SFTPD: variants seen among roughly 807,000 people sequenced by gnomAD.
SFTPD encodes surfactant protein D.
A neutral mutation model predicts 34.6 loss-of-function variants in SFTPD; 18 were observed. The observed-to-expected ratio is 0.52, with a 90% CI of 0.36 to 0.77. SFTPD has a LOEUF of 0.77. Among genes scored for constraint, SFTPD ranks in the 30% least tolerant of loss-of-function variants. The pLI, the probability that SFTPD is intolerant of heterozygous loss-of-function variation, is 0.00. For missense variants in SFTPD, 433 were observed against 468.9 expected, an observed-to-expected ratio of 0.92 and a Z score of 0.71; for synonymous variants, 155 against 180.9, an observed-to-expected ratio of 0.86 and a Z score of 1.15.
chr10:79,958,470 CA>C (rs553011115), intron 1 of SFTPD, among the ~76,000 whole-genome samples: 1 of 151,650 alleles, frequency 6.6e-6, no homozygotes, highest in Non-Finnish European at 1.5e-5. Flanking sequence ...AAATGGAAAA[CA>C]AAAAAAGGCA....
Position 79,940,727 on chromosome 10 carries a change from A to T in SFTPD, c.729T>A (p.Ala243=). 6.2e-7 allele frequency: 1 copy of T among 1,608,882 alleles called. No individual in the cohort carries two copies. The highest frequency in any genetic ancestry group is 1.3e-5 in the African/African-American group (1 of 74,976). ...CACCTTTCTTATACTGAGAGAAAGC[A>T]GCCTGGAGGTGCTGTACTTGTCCCT... ...ALQGQVQHLQ[A]AFSQYKKVEL... is the part of the protein sequence containing the mutation. The change falls in exon 7 of 8, where the codon GCT becomes GCA. Residue 243 remains alanine (A), a synonymous_variant. Coordinates refer to ENST00000372292, the MANE Select transcript of SFTPD (RefSeq NM_003019.5).
rs1426678561 is a variant in SFTPD at position 79,938,088 on chromosome 10, C to T, written c.892G>A (p.Ala298Thr). 1.9e-6 allele frequency: 3 copies of T among 1,614,194 alleles called. No individual in the cohort carries two copies. In the Admixed American group the frequency reaches 5.0e-5, roughly 27 times the overall value. Residue 298 changes from alanine to threonine, a missense_variant, in exon 8 of 8, where the codon GCC becomes ACC. Physicochemically the swap from Ala to Thr is moderately conservative, Grantham distance 58. Coordinates refer to ENST00000372292, the MANE Select transcript of SFTPD (RefSeq NM_003019.5). ...GCTACGACCAGCTGTTGCAAGGCGG[C>T]ATTCTCAGCGGCAGAGCGTGGAGAG... is the stretch of plus-strand genomic sequence containing the variant. ...LASPRSAAEN[A>T]ALQQLVVAKN...
intron 1 of SFTPD, among the ~76,000 whole-genome samples, chr10:79,973,930 T>C (rs531753217): frequency 6.6e-6 from 1 of 152,268 alleles, no homozygotes; most frequent in South Asian, 2.1e-4. Flanking sequence ...TCTAAACTCA[T>C]TTTTTACTGG....
At chr10:79,957,085 A>T (rs1443450206) in intron 1 of SFTPD, among the ~76,000 whole-genome samples, 2 of 151,956 alleles carry the variant, frequency 1.3e-5, no homozygotes, top group Admixed American at 1.3e-4. Context: ...CCTGCAGCTG[A>T]GGGTCCTATC....
intron 1 of SFTPD, among the ~76,000 whole-genome samples, chr10:79,963,267 A>G (rs2758588): frequency 0.67 from 101,245 of 151,590 alleles, 34,890 homozygotes; most frequent in African/African-American, 0.85. Flanking sequence ...TGGAGGATCA[A>G]TTGAACCCAG....
intron 3 of SFTPD, 37 bp downstream of exon 3, chr10:79,942,726 A>G (rs1358557583): frequency 4.4e-6 from 6 of 1,352,736 alleles, no homozygotes; most frequent in South Asian, 2.3e-5. Context: ...CTGCACCACC[A>G]CCTGGAAACA....
In SFTPD at chr10:79,955,155, G is replaced by A. The variant is rs547464631; in HGVS notation, c.37-8493C>T. 6.6e-5 allele frequency among the ~76,000 whole-genome samples: 10 copies of A among 152,160 alleles called. 1 individual carries two copies. The highest frequency in any genetic ancestry group is 4.2e-4 in the South Asian group (2 of 4,818). On this transcript the variant is annotated intron_variant, in intron 1 of 5. Coordinates refer to the SFTPD transcript ENST00000444384. ...CATTCCTTTGACTCCACCAGACTTCGTAGCCCCCACAGCCTGGTGTTGGGT... is the reference window on the plus strand; with the variant it reads ...CATTCCTTTGACTCCACCAGACTTCATAGCCCCCACAGCCTGGTGTTGGGT...
intron 1 of SFTPD, chr10:79,972,710 C>T (rs1400314480): frequency 6.6e-6 from 1 of 152,196 alleles, no homozygotes; most frequent in Non-Finnish European, 1.5e-5. Context: ...ATATGATCTC[C>T]TCTCCATGAC....
chr10:79,969,834 G>A (rs1842826005), intron 1 of SFTPD: 1 of 152,064 alleles, frequency 6.6e-6, no homozygotes, highest in African/African-American at 2.4e-5. Context: ...CCATTCTGTA[G>A]GTTCTTTTAA....
At chr10:79,971,661 CT>C (rs1307283153) in intron 1 of SFTPD, 1 of 152,072 alleles carries the variant, frequency 6.6e-6, no homozygotes, top group African/African-American at 2.4e-5. Flanking sequence ...TCATAATAGT[CT>C]TTAATGACCT....
chr10:79,964,606 G>T (rs576265080), intron 1 of SFTPD, among the ~76,000 whole-genome samples: 3 of 152,088 alleles, frequency 2.0e-5, no homozygotes, highest in Admixed American at 1.3e-4. Context: ...TTCCTTGTAG[G>T]TTACAAGCCG....
intron 1 of SFTPD, among the ~76,000 whole-genome samples, chr10:79,955,679 G>GT (rs1474629657): frequency 1.6e-4 from 25 of 152,212 alleles, no homozygotes; most frequent in Non-Finnish European, 5.9e-5. Context: ...GCATATGCAG[G>GT]TTCTATGAAT....
rs749588637 is a variant in SFTPD at position 79,942,865 on chromosome 10, C to A, written c.214G>T (p.Ala72Ser). ...TGTCCAGGCATCCCTGCTTGCCCTG[C>A]AGCTCCTGGCAAACCTGTAGCAGCA... Reference protein sequence around the residue: ...EKGDPGLPGAAGQAGMPGQAG... With the variant: ...EKGDPGLPGASGQAGMPGQAG... Residue 72 changes from alanine to serine, a missense_variant, in exon 3 of 8, where the codon GCA becomes TCA. Physicochemically the swap from Ala to Ser is moderately conservative, Grantham distance 99. Transcript: ENST00000372292. The A allele has an allele frequency of 3.7e-6, 6 of 1,612,450 alleles. No homozygotes were observed. The highest frequency in any genetic ancestry group is 5.1e-6 in the Non-Finnish European group (6 of 1,178,570).
At chr10:79,949,648 G>C (rs1842697277), upstream of SFTPD, among the ~76,000 whole-genome samples, 1 of 152,200 alleles carries the variant, frequency 6.6e-6, no homozygotes, top group Non-Finnish European at 1.5e-5. Flanking sequence ...GGAAAGAGTT[G>C]CTCTTTTGCA....
chr10:79,945,782 C>G (rs2040210953), intron 2 of SFTPD, among the ~76,000 whole-genome samples: 1 of 152,214 alleles, frequency 6.6e-6, no homozygotes, highest in Non-Finnish European at 1.5e-5. Context: ...GAGGGGCTCT[C>G]CCAGTGTGGA....
At chr10:79,956,349 G>A (rs2181203) in intron 1 of SFTPD, among the ~76,000 whole-genome samples, 8,376 of 152,318 alleles carry the variant, frequency 0.055, 555 homozygotes, top group East Asian at 0.39. Context: ...AAAGCAGGGC[G>A]AGGCATTCCC....
chr10:79,969,745 A>G (rs972865809), intron 1 of SFTPD: 1 of 151,968 alleles, frequency 6.6e-6, no homozygotes, highest in African/African-American at 2.4e-5. Context: ...AAATCAGCCT[A>G]TTGTTTTCTG....
At chr10:79,964,121 C>T (rs952558509) in intron 1 of SFTPD, among the ~76,000 whole-genome samples, 3 of 152,146 alleles carry the variant, frequency 2.0e-5, no homozygotes, top group African/African-American at 7.2e-5. Context: ...AAGTTGAACT[C>T]ATTGCCCTAA....
At chr10:79,941,331 G>A (rs569853888) in intron 6 of SFTPD, 67 bp downstream of exon 6, 4 of 1,377,344 alleles carry the variant, frequency 2.9e-6, no homozygotes, top group African/African-American at 1.4e-5. Context: ...TCTGGGATGA[G>A]GAGGGCTTCC....
Sources: allele counts gnomAD v4.1 joint callset (sites outside exome capture counted in the v4.1 genomes callset), GRCh38; gene constraint gnomAD v4.1.1; transcripts MANE v1.5; gene names NCBI Gene and HGNC (gene_info 2026-07-23, HGNC 2026-07-21).